Variants in UBE2L3 observed in about 807,000 individuals in gnomAD.
UBE2L3 encodes the protein ubiquitin conjugating enzyme E2 L3.
Under a neutral mutation model 17.8 loss-of-function variants are expected in UBE2L3, and 1 was observed. The ratio of observed to expected loss-of-function variants is 0.06; its 90% CI spans 0.02 to 0.27. The LOEUF (loss-of-function observed/expected upper bound fraction) is 0.27. Ranked by LOEUF, UBE2L3 falls within the 10% of genes least tolerant of loss-of-function variation. UBE2L3 has a pLI of 1.00. For synonymous variants in UBE2L3, 44 were observed against 68.5 expected (o/e 0.64, Z 1.76); for missense variants, 40 against 192.6 (o/e 0.21, Z 4.69).
At chr22:21,603,907 A>ATTTTTTTTTTTT in intron 2 of UBE2L3, among the ~76,000 whole-genome samples, 1 of 111,328 alleles carries the variant, frequency 9.0e-6, no homozygotes, top group Non-Finnish European at 1.8e-5. Flanking sequence ...GTGTTTTTTG[A>ATTTTTTTTTTTT]TTTTTTTTTT....
upstream of UBE2L3, among the ~76,000 whole-genome samples, chr22:21,567,273 C>T (rs961706116): frequency 1.3e-5 from 2 of 152,146 alleles, no homozygotes; most frequent in Non-Finnish European, 2.9e-5. Context: ...AAGCGATTCT[C>T]CTGCCTCAGC....
At chr22:21,565,754 CAAAA>C (rs131662), upstream of UBE2L3, among the ~76,000 whole-genome samples, 7 of 30,276 alleles carry the variant, frequency 2.3e-4, no homozygotes, top group Admixed American at 1.3e-3. Flanking sequence ...AACTGTGTCT[CAAAA>C]AAAAAAAAAA....
intron 3 of UBE2L3, among the ~76,000 whole-genome samples, chr22:21,615,938 GTGC>G (rs1190384434): frequency 6.6e-6 from 1 of 152,188 alleles, no homozygotes; most frequent in Non-Finnish European, 1.5e-5. Flanking sequence ...TGGTGCTGAA[GTGC>G]TGTCTAGTAT....
chr22:21,580,640 C>A lies in UBE2L3; in HGVS notation c.28-12221C>A, dbSNP rs555197824. Among the ~76,000 whole-genome samples the A allele has an allele frequency of 4.5e-4, 68 of 151,174 alleles. 2 individuals are homozygous for A. In the South Asian group the frequency reaches 0.01, roughly 22 times the overall value. The stretch of plus-strand genomic sequence containing the variant: ...AAGTTTTTTGTATTTTTAGTAGAGA[C>A]AGGGTTTCACCATGTTGTTCAGGCT... On this transcript the variant is annotated intron_variant, in intron 1 of 3. Transcript: ENST00000342192.
chr22:21,588,463 C>CTTTTTTTTT (rs1255043408), intron 1 of UBE2L3, among the ~76,000 whole-genome samples: 12 of 103,324 alleles, frequency 1.2e-4, no homozygotes, highest in African/African-American at 2.4e-4. Context: ...TTTCTTCTTT[C>CTTTTTTTTT]TTTTTTTTTT....
At chr22:21,611,348 G>A (rs1287627924) in intron 3 of UBE2L3, among the ~76,000 whole-genome samples, 1 of 152,218 alleles carries the variant, frequency 6.6e-6, no homozygotes, top group African/African-American at 2.4e-5. Context: ...GTCCCTGGAA[G>A]GGATGAAGGA....
chr22:21,587,626 C>T (rs12484550), intron 1 of UBE2L3, among the ~76,000 whole-genome samples: 28,451 of 152,174 alleles, frequency 0.19, 3,481 homozygotes, highest in East Asian at 0.41. Context: ...TTTGCCAAGA[C>T]GCAGGTGTGT....
chr22:21,593,090 C>A, intron 2 of UBE2L3, 134 bp downstream of exon 2: 1 of 723,936 alleles, frequency 1.4e-6, no homozygotes. Context: ...GGCTGTCGCT[C>A]TAGGGTGATA....
chr22:21,596,271 GC>G (rs1427182947), intron 2 of UBE2L3, among the ~76,000 whole-genome samples: 6 of 152,038 alleles, frequency 3.9e-5, no homozygotes, highest in Admixed American at 2.0e-4. Context: ...TGTGATCATG[GC>G]CCATTGCAGC....
chr22:21,592,020 G>A (rs915829300), intron 1 of UBE2L3, among the ~76,000 whole-genome samples: 2 of 152,204 alleles, frequency 1.3e-5, no homozygotes, highest in African/African-American at 4.8e-5. Context: ...GAAATGTCAG[G>A]CTGGTGCACA....
intron 2 of UBE2L3, among the ~76,000 whole-genome samples, chr22:21,602,836 G>C (rs1414047066): frequency 6.6e-6 from 1 of 152,358 alleles, no homozygotes; most frequent in East Asian, 1.9e-4. Flanking sequence ...ATCCCACAAA[G>C]GTGATGAGGA....
At chr22:21,568,359 C>G in intron 1 of UBE2L3, 2 of 985,484 alleles carry the variant, frequency 2.0e-6, no homozygotes, top group Non-Finnish European at 2.4e-6. Context: ...CGCCTTGTGA[C>G]TGCAGAGTCA....
At chr22:21,603,617 GC>G (rs1181435122) in intron 2 of UBE2L3, among the ~76,000 whole-genome samples, 3 of 151,150 alleles carry the variant, frequency 2.0e-5, no homozygotes, top group Non-Finnish European at 2.9e-5. Flanking sequence ...GCTGAGGCGG[GC>G]GGATCATGAG....
intron 1 of UBE2L3, among the ~76,000 whole-genome samples, chr22:21,585,643 G>A (rs959439654): frequency 6.6e-6 from 1 of 152,210 alleles, no homozygotes; most frequent in East Asian, 1.9e-4. Context: ...GCTCCTTAGA[G>A]GAACAGGCAT....
chr22:21,616,536 C>T (rs1929783856), intron 3 of UBE2L3, among the ~76,000 whole-genome samples: 1 of 151,838 alleles, frequency 6.6e-6, no homozygotes, highest in Admixed American at 6.6e-5. Flanking sequence ...CCTGTAGTCC[C>T]AGCTACTCAG....
intron 1 of UBE2L3, among the ~76,000 whole-genome samples, chr22:21,582,872 T>C (rs1327489704): frequency 1.3e-5 from 2 of 152,102 alleles, no homozygotes; most frequent in African/African-American, 4.8e-5. Context: ...ATCACAGTCA[T>C]CTGGGAGCAC....
At chr22:21,567,483 A>C, upstream of UBE2L3, 1 of 661,180 alleles carries the variant, frequency 1.5e-6, no homozygotes, top group Non-Finnish European at 2.4e-6. Context: ...TGCAATCAGT[A>C]TTTATTATGC....
At position 21,616,892 on chromosome 22, in the gene UBE2L3, TC is replaced by T. The variant is rs373205250; in HGVS notation, c.311-4621del. 3.7e-3 allele frequency among the ~76,000 whole-genome samples: 566 copies of T among 152,008 alleles called. 4 individuals are homozygous for T. The highest frequency in any genetic ancestry group is 0.013 in the African/African-American group (542 of 41,468). On this transcript the variant is annotated intron_variant, in intron 3 of 3. Coordinates refer to ENST00000342192, the MANE Select transcript of UBE2L3 (RefSeq NM_003347.4). ...GGGGAAATCACAAATATTGTTTACA[TC>T]CGCTATTGCAGAGAAACTGTCATTA...
Position 21,559,368 on chromosome 22 carries a change from T to C in UBE2L3, c.201+9718T>C, listed in dbSNP as rs397403. ...GTCTCAAAATAAATAAATAAATAAA[T>C]AAACAAACAAACAATAAATGAAAGT... On this transcript the variant is annotated intron_variant, in intron 1 of 3. Transcript: ENST00000458578. 7.2e-4 allele frequency among the ~76,000 whole-genome samples: 104 copies of C among 144,460 alleles called. No homozygotes were observed. The South Asian group carries it at 9.3e-3, about 13-fold the overall frequency. The allele number at this position is 144,460 out of a possible 152,430, so 94.8% of individuals were successfully genotyped here.
Sources: allele counts gnomAD v4.1 joint callset (sites outside exome capture counted in the v4.1 genomes callset), GRCh38; gene constraint gnomAD v4.1.1; transcripts MANE v1.5; gene names NCBI Gene and HGNC (gene_info 2026-07-23, HGNC 2026-07-21).